Variants in SPATA17 observed in about 807,000 individuals in gnomAD.
SPATA17 encodes spermatogenesis associated 17.
In SPATA17, 53 loss-of-function variants were observed where a neutral mutation model predicts 62.2. The ratio of observed to expected loss-of-function variants is 0.85; its 90% CI spans 0.68 to 1.07. The LOEUF is 1.07. Among genes scored for constraint, SPATA17 ranks in the 50% least tolerant of loss-of-function variants. The pLI, the probability that SPATA17 is intolerant of heterozygous loss-of-function variation, is 0.00. For synonymous variants in SPATA17, 146 were observed against 146.8 expected (o/e 0.99, Z 0.04); for missense variants, 466 against 425.5 (o/e 1.10, Z -0.84).
chr1:217,734,110 A>G, intron 5 of SPATA17, among the ~76,000 whole-genome samples: 1 of 152,200 alleles, frequency 6.6e-6, no homozygotes, highest in East Asian at 1.9e-4. Context: ...CCATGGTTTT[A>G]TCACTCACAA....
chr1:217,650,940 A>G (rs1670298869), intron 2 of SPATA17, among the ~76,000 whole-genome samples, 157 bp from the exon 3 acceptor site: 1 of 152,256 alleles, frequency 6.6e-6, no homozygotes, highest in Non-Finnish European at 1.5e-5. Flanking sequence ...TCTAGAAATG[A>G]TTAATTCTAT....
intron 9 of SPATA17, among the ~76,000 whole-genome samples, chr1:217,827,062 G>A (rs1258806447): frequency 1.3e-5 from 2 of 151,818 alleles, no homozygotes; most frequent in Non-Finnish European, 2.9e-5. Context: ...AATCTCTAAT[G>A]CTCTCTGTAT....
chr1:217,846,750 A>G (rs1052332120), intron 9 of SPATA17, among the ~76,000 whole-genome samples: 3 of 152,052 alleles, frequency 2.0e-5, no homozygotes, highest in Non-Finnish European at 2.9e-5. Context: ...AAGTTTTTAT[A>G]AAAAGGGCTT....
intron 9 of SPATA17, among the ~76,000 whole-genome samples, chr1:217,855,729 A>ATTTT (rs3081687): frequency 0.17 from 21,978 of 128,708 alleles, 2,645 homozygotes; most frequent in Middle Eastern, 0.3. Context: ...AGAAGGAACT[A>ATTTT]TTTTTTTTTT....
At chr1:217,829,182 A>G (rs1675071881) in intron 9 of SPATA17, among the ~76,000 whole-genome samples, 1 of 152,174 alleles carries the variant, frequency 6.6e-6, no homozygotes, top group Admixed American at 6.6e-5. Flanking sequence ...CAAGATATGG[A>G]AACAACCTAA....
At chr1:217,804,706 C>A (rs1017003223) in intron 9 of SPATA17, among the ~76,000 whole-genome samples, 4 of 152,014 alleles carry the variant, frequency 2.6e-5, no homozygotes, top group Non-Finnish European at 5.9e-5. Flanking sequence ...AAACAAATAA[C>A]CTCTTTTAAA....
chr1:217,736,794 T>C (rs1487865183), intron 5 of SPATA17, among the ~76,000 whole-genome samples: 2 of 152,216 alleles, frequency 1.3e-5, no homozygotes, highest in Admixed American at 6.5e-5. Context: ...ATTAGAATTA[T>C]TTACTTGCTC....
intron 9 of SPATA17, among the ~76,000 whole-genome samples, chr1:217,804,135 AC>A (rs1189855267): frequency 6.6e-6 from 1 of 152,236 alleles, no homozygotes; most frequent in Non-Finnish European, 1.5e-5. Context: ...GAAGCATCAC[AC>A]TATCTGATTT....
At chr1:217,823,049 AAT>A (rs1408856826) in intron 9 of SPATA17, among the ~76,000 whole-genome samples, 1 of 151,356 alleles carries the variant, frequency 6.6e-6, no homozygotes, top group Non-Finnish European at 1.5e-5. Flanking sequence ...TTTGTCTTAA[AAT>A]GTTTGTGAGT....
intron 5 of SPATA17, among the ~76,000 whole-genome samples, chr1:217,716,706 G>C (rs578236678): frequency 2.0e-5 from 3 of 152,304 alleles, no homozygotes; most frequent in African/African-American, 7.2e-5. Flanking sequence ...ATAACAATAA[G>C]AGAGAGCTCA....
At chr1:217,722,653 A>G (rs1218807397) in intron 5 of SPATA17, among the ~76,000 whole-genome samples, 4 of 152,132 alleles carry the variant, frequency 2.6e-5, no homozygotes, top group African/African-American at 4.8e-5. Flanking sequence ...TCTTTTTCCA[A>G]TTAATTTTTC....
intron 6 of SPATA17, among the ~76,000 whole-genome samples, chr1:217,749,486 A>C (rs574933279): frequency 6.6e-6 from 1 of 151,862 alleles, no homozygotes; most frequent in Admixed American, 6.6e-5. Context: ...TCCAAATCAG[A>C]CTTTACATTA....
chr1:217,745,875 T>A (rs1672734270), intron 6 of SPATA17, among the ~76,000 whole-genome samples: 1 of 152,092 alleles, frequency 6.6e-6, no homozygotes, highest in African/African-American at 2.4e-5. Context: ...TTTGCTGATT[T>A]GCTATTTTAT....
At chr1:217,667,484 G>C (rs1298232520) in intron 3 of SPATA17, among the ~76,000 whole-genome samples, 1 of 151,988 alleles carries the variant, frequency 6.6e-6, no homozygotes, top group Non-Finnish European at 1.5e-5. Context: ...TAGTCTTCAC[G>C]ACAACTCAAT....
At chr1:217,713,678 C>A (rs1355597306) in intron 5 of SPATA17, among the ~76,000 whole-genome samples, 2 of 152,090 alleles carry the variant, frequency 1.3e-5, no homozygotes, top group African/African-American at 4.8e-5. Flanking sequence ...CCTAAGAAAT[C>A]GATGCTTGGA....
chr1:217,850,232 T>G (rs1675616644), intron 9 of SPATA17, among the ~76,000 whole-genome samples: 1 of 152,186 alleles, frequency 6.6e-6, no homozygotes, highest in African/African-American at 2.4e-5. Flanking sequence ...TTTCCAAAAG[T>G]ATGGCATCCA....
chr1:217,685,911 T>C (rs1346684508), intron 5 of SPATA17, among the ~76,000 whole-genome samples: 1 of 152,168 alleles, frequency 6.6e-6, no homozygotes, highest in Non-Finnish European at 1.5e-5. Flanking sequence ...ATCTTTATTA[T>C]AGTATATTGT....
intron 5 of SPATA17, among the ~76,000 whole-genome samples, chr1:217,738,552 C>G (rs1672563112): frequency 6.6e-6 from 1 of 152,196 alleles, no homozygotes. Flanking sequence ...GGAAAAGATA[C>G]TAATATTAAT....
At chr1:217,642,769 G>T (rs183470401) in intron 1 of SPATA17, among the ~76,000 whole-genome samples, 1 of 152,156 alleles carries the variant, frequency 6.6e-6, no homozygotes, top group Non-Finnish European at 1.5e-5. Flanking sequence ...CACCATGATT[G>T]TAAGTTTCCT....
Sources: allele counts gnomAD v4.1 joint callset (sites outside exome capture counted in the v4.1 genomes callset), GRCh38; gene constraint gnomAD v4.1.1; transcripts MANE v1.5; gene names NCBI Gene and HGNC (gene_info 2026-07-23, HGNC 2026-07-21).